ELOVL5: variants seen among roughly 807,000 people sequenced by gnomAD.
The protein encoded by ELOVL5 is very long chain fatty acid elongase 5.
A neutral mutation model predicts 38.6 loss-of-function variants in ELOVL5; 8 were observed. That is an observed-to-expected ratio of 0.21 (90% confidence interval 0.12 to 0.37). The LOEUF (loss-of-function observed/expected upper bound fraction) is 0.37. Among genes scored for constraint, ELOVL5 ranks in the 10% least tolerant of loss-of-function variants. The pLI, the probability that ELOVL5 is intolerant of heterozygous loss-of-function variation, is 1.00. For missense variants in ELOVL5, 280 were observed against 367.8 expected (o/e 0.76, Z 1.95); for synonymous variants, 127 against 133.7 (o/e 0.95, Z 0.34).
intron 3 of ELOVL5, among the ~76,000 whole-genome samples, chr6:53,279,240 C>A (rs991230369): frequency 6.6e-6 from 1 of 152,184 alleles, no homozygotes; most frequent in African/African-American, 2.4e-5. Flanking sequence ...TAAGTGTTGG[C>A]AGTGACCACT....
intron 1 of ELOVL5, among the ~76,000 whole-genome samples, chr6:53,317,821 GAAC>G (rs760117917): frequency 1.3e-4 from 16 of 127,778 alleles, no homozygotes; most frequent in African/African-American, 4.7e-4. Context: ...AAAAAGATGA[GAAC>G]AAAAAAAAAT....
chr6:53,284,344 A>G (rs1011532997), intron 3 of ELOVL5, among the ~76,000 whole-genome samples: 4 of 151,834 alleles, frequency 2.6e-5, no homozygotes, highest in Non-Finnish European at 5.9e-5. Flanking sequence ...ACTCCTGACA[A>G]CAGTAACATG....
chr6:53,272,629 G>A (rs1019828442), intron 6 of ELOVL5, among the ~76,000 whole-genome samples: 1 of 152,186 alleles, frequency 6.6e-6, no homozygotes, highest in African/African-American at 2.4e-5. Context: ...GATGAATGCA[G>A]AAGGCTTAAT....
intron 1 of ELOVL5, among the ~76,000 whole-genome samples, chr6:53,318,557 G>C (rs1013046284): frequency 6.6e-6 from 1 of 152,126 alleles, no homozygotes; most frequent in African/African-American, 2.4e-5. Flanking sequence ...AAAACGGTGA[G>C]ACCCCGCCCC....
chr6:53,338,387 CA>C (rs1469470925), intron 1 of ELOVL5, among the ~76,000 whole-genome samples: 1 of 152,180 alleles, frequency 6.6e-6, no homozygotes, highest in East Asian at 1.9e-4. Context: ...CTACTCCTTG[CA>C]AAAGGAAGAA....
chr6:53,323,862 C>A (rs1581980063), intron 1 of ELOVL5, among the ~76,000 whole-genome samples: 2 of 152,266 alleles, frequency 1.3e-5, no homozygotes, highest in East Asian at 3.9e-4. Flanking sequence ...GCATGGGCCA[C>A]CGCACCCGGC....
chr6:53,294,686 TG>T (rs1347706140), intron 2 of ELOVL5, among the ~76,000 whole-genome samples: 1 of 152,204 alleles, frequency 6.6e-6, no homozygotes, highest in Non-Finnish European at 1.5e-5. Flanking sequence ...CACATACAGA[TG>T]GATCTAACTT....
chr6:53,336,105 C>T (rs960341159), intron 1 of ELOVL5, among the ~76,000 whole-genome samples: 1 of 152,188 alleles, frequency 6.6e-6, no homozygotes, highest in African/African-American at 2.4e-5. Flanking sequence ...CAGCCATACC[C>T]GTAGTATAAT....
intron 3 of ELOVL5, among the ~76,000 whole-genome samples, chr6:53,285,758 G>A (rs1256165888): frequency 1.3e-5 from 2 of 151,706 alleles, no homozygotes; most frequent in Non-Finnish European, 2.9e-5. Flanking sequence ...ACAAGCTCGA[G>A]CCATGCCAGG....
intron 3 of ELOVL5, among the ~76,000 whole-genome samples, chr6:53,288,653 T>A (rs1338426506): frequency 6.6e-6 from 1 of 152,250 alleles, no homozygotes; most frequent in Non-Finnish European, 1.5e-5. Flanking sequence ...ATATTCCTTC[T>A]ACATTTTAAA....
intron 1 of ELOVL5, among the ~76,000 whole-genome samples, chr6:53,305,749 A>G (rs1352293055): frequency 6.8e-6 from 1 of 147,416 alleles, no homozygotes; most frequent in Admixed American, 6.7e-5. Context: ...GTCTCCTCAC[A>G]TCCCAGATGA....
intron 2 of ELOVL5, chr6:53,294,544 TAC>T: frequency 1.3e-6 from 2 of 1,501,104 alleles, no homozygotes; most frequent in Non-Finnish European, 1.8e-6. Flanking sequence ...GGTTACATCA[TAC>T]AGTCCCTGAA....
At chr6:53,318,775 T>C (rs1768157345) in intron 1 of ELOVL5, among the ~76,000 whole-genome samples, 1 of 152,108 alleles carries the variant, frequency 6.6e-6, no homozygotes, top group South Asian at 2.1e-4. Context: ...AAAAAGCACA[T>C]ACTCGTAAGC....
chr6:53,304,326 C>T (rs1361166695), intron 1 of ELOVL5, among the ~76,000 whole-genome samples: 1 of 152,196 alleles, frequency 6.6e-6, no homozygotes, highest in Non-Finnish European at 1.5e-5. Flanking sequence ...AACAGAGGTG[C>T]TCTCTTCTCT....
chr6:53,301,477 G>A (rs944236181), intron 1 of ELOVL5, among the ~76,000 whole-genome samples: 1 of 152,138 alleles, frequency 6.6e-6, no homozygotes, highest in African/African-American at 2.4e-5. Flanking sequence ...GCTGGGAGTG[G>A]CCAGCACTTC....
rs759693062 is a variant in ELOVL5 at position 53,269,119 on chromosome 6, C to G, written c.*8G>C. The G allele has an allele frequency of 6.2e-7, 1 of 1,611,796 alleles. No homozygotes were observed. The highest frequency in any genetic ancestry group is 2.2e-5 in the East Asian group (1 of 44,820). ...TGACGTGGTTTGGAGGGTTTCAATT[C>G]TTTGACTTCAATCCTTCCGCAGCTT... On this transcript the variant is annotated 3_prime_UTR_variant, in exon 8 of 8. Transcript: ENST00000304434.
intron 1 of ELOVL5, among the ~76,000 whole-genome samples, chr6:53,328,886 G>A (rs1768664725): frequency 6.6e-6 from 1 of 152,166 alleles, no homozygotes; most frequent in South Asian, 2.1e-4. Context: ...CCTTACCACA[G>A]AGCACTAAAG....
At chr6:53,313,762 A>C (rs556450609) in intron 1 of ELOVL5, among the ~76,000 whole-genome samples, 83 of 152,338 alleles carry the variant, frequency 5.4e-4, no homozygotes, top group African/African-American at 1.8e-3. Flanking sequence ...GCTTTCTTCC[A>C]TCTTTTGGAT....
At chr6:53,341,549 T>A (rs911683151) in intron 1 of ELOVL5, among the ~76,000 whole-genome samples, 1 of 152,226 alleles carries the variant, frequency 6.6e-6, no homozygotes, top group Non-Finnish European at 1.5e-5. Context: ...TTGGGGTCCC[T>A]ACCTCGTGGG....
Sources: gnomAD v4.1 joint callset for allele counts (sites outside exome capture counted in the v4.1 genomes callset) on GRCh38, gnomAD v4.1.1 for gene constraint, MANE v1.5 for transcripts, NCBI Gene and HGNC (gene_info 2026-07-23, HGNC 2026-07-21) for gene names.